The following ERC2 variants were observed in gnomAD, a reference collection of about 807,000 sequenced individuals.
The protein encoded by ERC2 is ELKS/RAB6-interacting/CAST family member 2.
In ERC2, 42 loss-of-function variants were observed where a neutral mutation model predicts 114.8. The observed-to-expected ratio is 0.37, with a 90% confidence interval of 0.29 to 0.47. The LOEUF is 0.47. ERC2 is among the 20% of genes least tolerant of loss of function. The pLI, the probability that ERC2 is intolerant of heterozygous loss-of-function variation, is 0.99. For synonymous variants in ERC2, 454 were observed against 425.5 expected, an observed-to-expected ratio of 1.07 and a Z score of -0.82; for missense variants, 939 against 1,150.7, an observed-to-expected ratio of 0.82 and a Z score of 2.66.
At position 55,837,444 on chromosome 3, in the gene ERC2, G is replaced by A. The variant is rs898604030; in HGVS notation, c.2564+50945C>T. ...CAGCCATAAAAAATGATGAGTTCATGTCCTTTGCAGGGACATGGATGAAAC... is the reference window on the plus strand; with the variant it reads ...CAGCCATAAAAAATGATGAGTTCATATCCTTTGCAGGGACATGGATGAAAC... On this transcript the variant is annotated intron_variant, in intron 14 of 17. Transcript: ENST00000288221. 8.5e-5 allele frequency among the ~76,000 whole-genome samples: 13 copies of A among 152,190 alleles called. No individual in the cohort carries two copies. In the South Asian group the frequency reaches 1.5e-3, roughly 17 times the overall value.
At chr3:55,703,493 C>G (rs1035998886) in intron 15 of ERC2, among the ~76,000 whole-genome samples, 6 of 152,248 alleles carry the variant, frequency 3.9e-5, no homozygotes, top group African/African-American at 1.4e-4. Flanking sequence ...GTAGCCACCC[C>G]CCTGGGTCTC....
At chr3:55,531,027 C>T (rs55912611) in intron 17 of ERC2, among the ~76,000 whole-genome samples, 1,782 of 152,218 alleles carry the variant, frequency 0.012, 24 homozygotes, top group Non-Finnish European at 0.018. Context: ...ATTTTGGAGT[C>T]GATCCCTTCT....
chr3:55,901,247 A>C (rs1363277685), intron 13 of ERC2, among the ~76,000 whole-genome samples: 1 of 152,198 alleles, frequency 6.6e-6, no homozygotes, highest in Non-Finnish European at 1.5e-5. Context: ...ATTCTATTTC[A>C]GTTTTCCATT....
At chr3:55,888,615 G>T in intron 13 of ERC2, 66 bp from the exon 14 acceptor site, 1 of 1,574,560 alleles carries the variant, frequency 6.4e-7, no homozygotes, top group Non-Finnish European at 8.7e-7. Context: ...TCCCTTGTTA[G>T]CCTGTGTTCC....
At chr3:55,737,343 A>C (rs1052003269) in intron 14 of ERC2, among the ~76,000 whole-genome samples, 3 of 152,186 alleles carry the variant, frequency 2.0e-5, no homozygotes, top group Non-Finnish European at 4.4e-5. Flanking sequence ...ATTAATATCC[A>C]GCTTCACAGA....
intron 14 of ERC2, among the ~76,000 whole-genome samples, chr3:55,821,815 T>A (rs947606769): frequency 2.6e-5 from 4 of 152,232 alleles, no homozygotes; most frequent in Admixed American, 2.6e-4. Context: ...GACTATCTGA[T>A]GATGGAGAAT....
At position 55,825,154 on chromosome 3, in the gene ERC2, T is replaced by C. The variant is rs148845962; in HGVS notation, c.2564+63235A>G. Among the ~76,000 whole-genome samples, 455 of 152,318 alleles carry C rather than the reference T, an allele frequency of 3.0e-3. 4 individuals are homozygous for C. Among genetic ancestry groups the C allele is most frequent in the African/African-American group, 0.01 (433 of 41,568 alleles). On this transcript the variant is annotated intron_variant, in intron 14 of 17. Transcript: ENST00000288221. ...CAAGAACCTGGAATTCTTCCTTGTG[T>C]CTTCATTTCAAACTGTGAGCAGGGT... is the stretch of plus-strand genomic sequence containing the variant.
At chr3:56,013,685 C>T (rs1481646514) in intron 8 of ERC2, among the ~76,000 whole-genome samples, 1 of 152,108 alleles carries the variant, frequency 6.6e-6, no homozygotes, top group Non-Finnish European at 1.5e-5. Context: ...ATCATTTCAC[C>T]TCATTGAGCC....
At chr3:56,140,661 A>G (rs930726214) in intron 5 of ERC2, among the ~76,000 whole-genome samples, 1 of 152,202 alleles carries the variant, frequency 6.6e-6, no homozygotes, top group Admixed American at 6.6e-5. Context: ...CCTAGTTCAC[A>G]TAGCAATAAT....
chr3:56,217,629 A>G, intron 3 of ERC2, among the ~76,000 whole-genome samples: 1 of 152,208 alleles, frequency 6.6e-6, no homozygotes, highest in Non-Finnish European at 1.5e-5. Context: ...ACAGAATTGG[A>G]AAAAACTACT....
intron 14 of ERC2, among the ~76,000 whole-genome samples, chr3:55,874,825 G>A (rs531828597): frequency 6.6e-6 from 1 of 152,288 alleles, no homozygotes; most frequent in South Asian, 2.1e-4. Flanking sequence ...GGAGCAAAGG[G>A]AGAAATGAAT....
intron 17 of ERC2, among the ~76,000 whole-genome samples, chr3:55,649,324 A>G (rs969430741): frequency 6.0e-5 from 9 of 149,286 alleles, no homozygotes; most frequent in Non-Finnish European, 1.2e-4. Flanking sequence ...GCAGTGGTGC[A>G]ATCTTGGCTC....
intron 13 of ERC2, among the ~76,000 whole-genome samples, chr3:55,937,273 T>C (rs1353158460): frequency 6.6e-6 from 1 of 152,160 alleles, no homozygotes; most frequent in Non-Finnish European, 1.5e-5. Context: ...CACTTGAACC[T>C]GGGAGGCGGA....
At chr3:55,740,637 A>G (rs2065917652) in intron 14 of ERC2, among the ~76,000 whole-genome samples, 1 of 152,172 alleles carries the variant, frequency 6.6e-6, no homozygotes, top group East Asian at 1.9e-4. Flanking sequence ...TTGGCAAGGT[A>G]TTCTGAATAT....
chr3:56,195,500 C>CATGTGTGTGTGT (rs1553873461), intron 3 of ERC2, among the ~76,000 whole-genome samples: 1 of 149,924 alleles, frequency 6.7e-6, no homozygotes, highest in Non-Finnish European at 1.5e-5. Flanking sequence ...TGCGTGTGTG[C>CATGTGTGTGTGT]GTGTGTGTGT....
intron 15 of ERC2, among the ~76,000 whole-genome samples, chr3:55,712,877 G>A (rs1351353770): frequency 6.6e-6 from 1 of 152,078 alleles, no homozygotes; most frequent in Non-Finnish European, 1.5e-5. Flanking sequence ...GTACCCCATT[G>A]CACAAGGTGC....
At chr3:55,955,842 G>T (rs1032964312) in intron 12 of ERC2, among the ~76,000 whole-genome samples, 1 of 152,244 alleles carries the variant, frequency 6.6e-6, no homozygotes, top group African/African-American at 2.4e-5. Context: ...AGGGAGAGCA[G>T]TGGCTAAACC....
In ERC2 at chr3:55,525,727, T is replaced by C. The variant is rs530777057; in HGVS notation, c.*40-14451A>G. Among the ~76,000 whole-genome samples the C allele has an allele frequency of 3.5e-4, 53 of 152,188 alleles. 1 individual carries two copies. The South Asian group carries it at 0.011, about 31-fold the overall frequency. On this transcript the variant is annotated intron_variant, in intron 17 of 17. Coordinates refer to ENST00000288221, the MANE Select transcript of ERC2 (RefSeq NM_015576.3). ...GGCCACGTGGGACTTTATGGCTACA[T>C]TAAGGAGACTAGATGCTGCCTTCAG...
intron 10 of ERC2, among the ~76,000 whole-genome samples, chr3:55,994,647 T>TAAAACAAAAAA (rs2071356677): frequency 1.6e-5 from 1 of 61,396 alleles, no homozygotes; most frequent in African/African-American, 7.0e-5. Flanking sequence ...ACATACTCCC[T>TAAAACAAAAAA]AAAAAAAAAA....
Sources: gnomAD v4.1 joint callset for allele counts (sites outside exome capture counted in the v4.1 genomes callset) on GRCh38, gnomAD v4.1.1 for gene constraint, MANE v1.5 for transcripts, NCBI Gene and HGNC (gene_info 2026-07-23, HGNC 2026-07-21) for gene names.